Variants in FSIP2 observed in about 807,000 individuals in gnomAD.
FSIP2 encodes the protein fibrous sheath-interacting protein 2.
In FSIP2, 367 loss-of-function variants were observed where a neutral mutation model predicts 510.5. That is an observed-to-expected ratio of 0.72 (90% CI 0.66 to 0.78). The LOEUF is 0.78. Among genes scored for constraint, FSIP2 ranks in the 30% least tolerant of loss-of-function variants. FSIP2 has a pLI of 0.00. For synonymous variants in FSIP2, 2,601 were observed against 2,732.2 expected, an observed-to-expected ratio of 0.95 and a Z score of 1.50; for missense variants, 7,594 against 7,901.7, an observed-to-expected ratio of 0.96 and a Z score of 1.48.
At chr2:185,742,924 A>T (rs1038506538) in intron 2 of FSIP2, among the ~76,000 whole-genome samples, 2 of 152,144 alleles carry the variant, frequency 1.3e-5, no homozygotes. Flanking sequence ...GATTGGGTTA[A>T]GGTGAGTCTT....
At position 185,792,927 on chromosome 2, in the gene FSIP2, T is replaced by G; in HGVS notation, c.5791T>G (p.Phe1931Val). ...VQAILTNLET[F>V]ATSKVKSLFY... is the part of the protein sequence containing the mutation. ...GGCAATATTAACAAATTTAGAAACTTTTGCTACTTCCAAAGTAAAATCTCT... is the reference window on the plus strand; with the variant it reads ...GGCAATATTAACAAATTTAGAAACTGTTGCTACTTCCAAAGTAAAATCTCT... Residue 1931 changes from phenylalanine to valine, a missense_variant, in exon 16 of 23, where the codon TTT becomes GTT. Physicochemically the swap from Phe to Val is conservative, Grantham distance 50. Coordinates refer to ENST00000424728, the MANE Select transcript of FSIP2 (RefSeq NM_173651.4). The G allele has an allele frequency of 6.5e-7, 1 of 1,534,078 alleles. No homozygotes were observed.
chr2:185,804,645 G>A lies in FSIP2; in HGVS notation c.15339G>A (p.Leu5113=), dbSNP rs1056315659. The change falls in exon 17 of 23, where the codon TTG becomes TTA. Residue 5113 remains leucine, a synonymous_variant. Coordinates refer to ENST00000424728, the MANE Select transcript of FSIP2 (RefSeq NM_173651.4). ...CCTTGCCACCATATATTACTGTGTTGCCTCATTCTCTTTTAGAAGATATGG... is the reference window on the plus strand; with the variant it reads ...CCTTGCCACCATATATTACTGTGTTACCTCATTCTCTTTTAGAAGATATGG... ...SHALPPYITV[L]PHSLLEDMVY... 2 of 1,533,022 alleles carry A rather than the reference G, an allele frequency of 1.3e-6. No homozygotes were observed. Among genetic ancestry groups the A allele is most frequent in the Non-Finnish European group, 1.7e-6 (2 of 1,144,818 alleles). 95.0% of individuals were successfully genotyped at this position (1,533,022 alleles called of 1,614,324 possible). A position where few individuals can be genotyped will look rare whatever the true frequency, so the allele number is the denominator to read the frequency against.
rs1354362627 is a variant in FSIP2 at position 185,824,459 on chromosome 2, C to G, written c.20452C>G (p.Pro6818Ala). The stretch of plus-strand genomic sequence containing the variant: ...TGAGGCTGAAGATTGTCACTCAGAC[C>G]CAAGTGCTAAAATATTAGAAGGTTG... ...TGEAEDCHSD[P>A]SAKILEESSQ... is the part of the protein sequence containing the mutation. The change falls in exon 20 of 23, where the codon CCA becomes GCA. Residue 6818 changes from proline (P) to alanine (A), a missense_variant. By Grantham distance (27) the Pro-to-Ala change is conservative (BLOSUM62 -1). Transcript: ENST00000424728. 1 of 1,587,684 alleles carries G rather than the reference C, an allele frequency of 6.3e-7. No homozygotes were observed. The highest frequency in any genetic ancestry group is 1.7e-5 in the Admixed American group (1 of 57,686).
intron 3 of FSIP2, 142 bp downstream of exon 3, chr2:185,743,436 T>A (rs1265548874): frequency 2.4e-6 from 1 of 424,542 alleles, no homozygotes; most frequent in African/African-American, 2.0e-5. Flanking sequence ...TCTATAAATT[T>A]CTCAGTATTT....
chr2:185,764,770 G>A (rs1692429269), intron 13 of FSIP2: 1 of 477,246 alleles, frequency 2.1e-6, no homozygotes, highest in Non-Finnish European at 3.7e-6. Flanking sequence ...AAGGAAGTGG[G>A]TATGTGTAAA....
At chr2:185,771,156 C>A (rs745871364) in intron 13 of FSIP2, among the ~76,000 whole-genome samples, 3 of 152,236 alleles carry the variant, frequency 2.0e-5, no homozygotes, top group Admixed American at 6.5e-5. Context: ...ATGCCTGCTG[C>A]TTTCCCATGC....
intron 13 of FSIP2, among the ~76,000 whole-genome samples, chr2:185,780,377 A>C (rs1692819760): frequency 6.6e-6 from 1 of 151,668 alleles, no homozygotes; most frequent in Non-Finnish European, 1.5e-5. Context: ...ATTTCTTCAA[A>C]TATGTTCTCT....
At chr2:185,819,342 A>G (rs1462411095) in intron 19 of FSIP2, among the ~76,000 whole-genome samples, 3 of 151,960 alleles carry the variant, frequency 2.0e-5, no homozygotes, top group South Asian at 2.1e-4. Flanking sequence ...GTTCTTCTCT[A>G]TTACTAATTA....
intron 10 of FSIP2, 100 bp downstream of exon 10, chr2:185,761,203 G>A (rs1692343670): frequency 4.7e-6 from 2 of 427,314 alleles, no homozygotes; most frequent in Non-Finnish European, 8.1e-6. Flanking sequence ...AGTACTGATT[G>A]TTTAGGGATA....
chr2:185,814,652 A>G (rs1462317710), intron 18 of FSIP2, among the ~76,000 whole-genome samples: 1 of 152,084 alleles, frequency 6.6e-6, no homozygotes, highest in African/African-American at 2.4e-5. Flanking sequence ...CTGGGTCTCA[A>G]TGACCTTTTG....
chr2:185,831,903 A>G, intron 22 of FSIP2, 21 bp downstream of exon 22: 1 of 1,438,820 alleles, frequency 7.0e-7, no homozygotes, highest in Non-Finnish European at 9.8e-7. Flanking sequence ...TACTATTTTA[A>G]CAACTGGTGT....
intron 11 of FSIP2, among the ~76,000 whole-genome samples, chr2:185,762,835 T>C (rs1354325719): frequency 6.6e-6 from 1 of 151,552 alleles, no homozygotes; most frequent in Non-Finnish European, 1.5e-5. Flanking sequence ...TTTATTTCAC[T>C]ATCCAGATGA....
In FSIP2 at chr2:185,801,267, C is replaced by T. The variant is rs942227638; in HGVS notation, c.11961C>T (p.Leu3987=). 23 of 1,533,736 alleles carry T rather than the reference C, an allele frequency of 1.5e-5. No homozygotes were observed. Among genetic ancestry groups the T allele is most frequent in the Non-Finnish European group, 2.0e-5 (23 of 1,145,404 alleles). The change falls in exon 17 of 23, where the codon CTC becomes CTT. Residue 3987 remains leucine (L), a synonymous_variant. Transcript: ENST00000424728. ...TAATTTCAGAATTGTTTTTTAATCT[C>T]TCTATGTCATTGTGGGGCAAAAATA... ...EGIISELFFN[L]SMSLWGKNKN...
chr2:185,814,673 T>G (rs1693798546), intron 18 of FSIP2, among the ~76,000 whole-genome samples: 2 of 152,058 alleles, frequency 1.3e-5, no homozygotes, highest in Non-Finnish European at 2.9e-5. Flanking sequence ...AGTTTGGTCC[T>G]GCAGTATAAT....
chr2:185,799,727 C>T lies in FSIP2; in HGVS notation c.10421C>T (p.Thr3474Ile), dbSNP rs1397504863. 1 of 1,423,914 alleles carries T rather than the reference C, an allele frequency of 7.0e-7. No homozygotes were observed. Among genetic ancestry groups the T allele is most frequent in the South Asian group, 1.4e-5 (1 of 70,246 alleles). The allele number at this position is 1,423,914 out of a possible 1,614,324, so 88.2% of individuals were successfully genotyped here. Residue 3474 changes from threonine to isoleucine, a missense_variant, in exon 17 of 23, where the codon ACA becomes ATA. By Grantham distance (89) the Thr-to-Ile change is moderately conservative. Coordinates refer to ENST00000424728, the MANE Select transcript of FSIP2 (RefSeq NM_173651.4). ...AGTGAGGAAAAGATGTCTGTTTCTA[C>T]ATGGTCAAGGAAAAAATATGAATCA... ...VFSEEKMSVSTWSRKKYESKQ... is the reference protein window; with the variant it reads ...VFSEEKMSVSIWSRKKYESKQ...
intron 19 of FSIP2, 56 bp downstream of exon 19, chr2:185,815,527 G>A (rs1259724071): frequency 3.7e-6 from 3 of 813,880 alleles, no homozygotes; most frequent in South Asian, 3.8e-5. Flanking sequence ...GAGCTTATGA[G>A]TAGAATGGGG....
intron 13 of FSIP2, among the ~76,000 whole-genome samples, chr2:185,771,249 C>T (rs1006638819): frequency 9.2e-5 from 14 of 152,178 alleles, no homozygotes; most frequent in African/African-American, 3.4e-4. Context: ...CTAGGTAGTG[C>T]CCAGTGAGGA....
intron 19 of FSIP2, among the ~76,000 whole-genome samples, chr2:185,817,941 G>A (rs1461072346): frequency 6.6e-6 from 1 of 151,898 alleles, no homozygotes; most frequent in African/African-American, 2.4e-5. Context: ...GGCAACTAGA[G>A]TTAACAATAA....
At chr2:185,744,174 T>C (rs1574151360) in intron 3 of FSIP2, 148 bp from the exon 4 acceptor site, 1 of 193,716 alleles carries the variant, frequency 5.2e-6, no homozygotes, top group Admixed American at 5.9e-5. Flanking sequence ...TATTACTCTT[T>C]ATGCCAAAAT....
Sources: allele counts gnomAD v4.1 joint callset (sites outside exome capture counted in the v4.1 genomes callset), GRCh38; gene constraint gnomAD v4.1.1; transcripts MANE v1.5; gene names NCBI Gene and HGNC (gene_info 2026-07-23, HGNC 2026-07-21).